The following KNTC1 variants were observed in gnomAD, a reference collection of about 807,000 sequenced individuals.
KNTC1 encodes kinetochore associated 1, also known as kinetochore-associated protein 1.
KNTC1 carries 253 observed loss-of-function variants against 314.4 expected under a neutral mutation model. The ratio of observed to expected loss-of-function variants is 0.80; its 90% CI spans 0.73 to 0.89. The LOEUF (loss-of-function observed/expected upper bound fraction) is 0.89, where lower values mean the gene tolerates loss of function less well. Ranked by LOEUF, KNTC1 falls within the 40% of genes least tolerant of loss-of-function variation. The probability of loss-of-function intolerance (pLI) is 0.00; values close to 1 mark genes in which losing one functional copy is unlikely to be tolerated. For missense variants in KNTC1, 2,475 were observed against 2,572.9 expected (o/e 0.96, Z 0.82); for synonymous variants, 901 against 901.4 (o/e 1.00, Z 0.01).
At position 122,587,729 on chromosome 12, in the gene KNTC1, C is replaced by T; in HGVS notation, c.3749C>T (p.Pro1250Leu). 6.2e-7 allele frequency: 1 copy of T among 1,612,724 alleles called. No homozygotes were observed. Among genetic ancestry groups the T allele is most frequent in the Non-Finnish European group, 8.5e-7 (1 of 1,179,226 alleles). ...SLNEGDGLVL[P>L]VINSISALLQ... ...TCTGCAGGAGATGGCCTTGTTTTAC[C>T]TGTTATAAATTCCATCTCTGCCCTG... The change falls in exon 39 of 64, where the codon CCT becomes CTT. Residue 1250 changes from proline (P) to leucine (L), a missense_variant. Transcript: ENST00000333479.
chr12:122,530,059 G>A lies in KNTC1; in HGVS notation c.-5G>A. 6 of 1,613,060 alleles carry A rather than the reference G, an allele frequency of 3.7e-6. No homozygotes were observed. The highest frequency in any genetic ancestry group is 5.1e-6 in the Non-Finnish European group (6 of 1,179,474). On this transcript the variant is annotated 5_prime_UTR_variant, in exon 2 of 64. Transcript: ENST00000333479. ...TTCCTGACTCAGGAAGACAGTCTCAGAAACATGTGGAATGATATTGAGCTG... is the reference window on the plus strand; with the variant it reads ...TTCCTGACTCAGGAAGACAGTCTCAAAAACATGTGGAATGATATTGAGCTG...
chr12:122,549,855 AATTAGCACAGTAAGTTTATTTG>A lies in KNTC1; in HGVS notation c.1078_1086+13del. 6.5e-7 allele frequency: 1 copy of A among 1,527,436 alleles called. No individual in the cohort carries two copies. The highest frequency in any genetic ancestry group is 9.0e-7 in the Non-Finnish European group (1 of 1,112,848). 94.6% of individuals were successfully genotyped at this position (1,527,436 alleles called of 1,614,324 possible). ...GTGTTTCTTCTCTGGTCCAAACAGG[AATTAGCACAGTAAGTTTATTTG>A]CATTTTAAAGTATTCTTTTAACTAC... On this transcript the variant is annotated splice_donor_variant and splice_donor_5th_base_variant and coding_sequence_variant and intron_variant, in exon 13 of 64. Coordinates refer to ENST00000333479, the MANE Select transcript of KNTC1 (RefSeq NM_014708.6). LOFTEE classifies it high-confidence loss of function.
chr12:122,625,471 G>A (rs140352220), intron 63 of KNTC1, among the ~76,000 whole-genome samples: 1 of 151,914 alleles, frequency 6.6e-6, no homozygotes, highest in East Asian at 1.9e-4. Flanking sequence ...GGAAGCTGAG[G>A]CAGGAGAATT....
At chr12:122,538,489 A>AG in intron 4 of KNTC1, 35 bp downstream of exon 4, 10 of 1,158,240 alleles carry the variant, frequency 8.6e-6, no homozygotes, top group Non-Finnish European at 1.2e-5. Context: ...TTCATTATTT[A>AG]AATTCTAAAT....
In KNTC1 at chr12:122,602,866, C is replaced by T. The variant is rs765415910; in HGVS notation, c.4863C>T (p.Leu1621=). Residue 1621 remains leucine (L), a synonymous_variant, in exon 47 of 64, where the codon CTC becomes CTT. Transcript: ENST00000333479. ...ELSEESFPTL[L]LISKLMKFSL... is the part of the protein sequence containing the mutation. ...GTGAAGAATCTTTCCCAACATTGCT[C>T]TTAATTTCGAAATTAATGAAGGTAA... The T allele has an allele frequency of 1.3e-5, 21 of 1,610,780 alleles. No individual in the cohort carries two copies. Among genetic ancestry groups the T allele is most frequent in the Non-Finnish European group, 1.7e-5 (20 of 1,177,240 alleles).
intron 60 of KNTC1, among the ~76,000 whole-genome samples, chr12:122,620,873 G>T (rs1874356094): frequency 6.6e-6 from 1 of 152,218 alleles, no homozygotes. Flanking sequence ...AAACTGAAAT[G>T]ATGAAGGAAT....
chr12:122,575,510 G>A, intron 27 of KNTC1, 33 bp from the exon 28 acceptor site: 2 of 1,449,374 alleles, frequency 1.4e-6, no homozygotes, highest in Non-Finnish European at 1.9e-6. Flanking sequence ...AAACCTGAGG[G>A]CTGTTCCTTG....
chr12:122,542,015 A>G (rs763723434), intron 5 of KNTC1, 35 bp from the exon 6 acceptor site: 144 of 1,489,298 alleles, frequency 9.7e-5, no homozygotes, highest in Non-Finnish European at 1.2e-4. Context: ...CTCCATCTCA[A>G]AAAAAAGAAA....
At chr12:122,621,998 C>G (rs199647620) in intron 61 of KNTC1, 28 bp downstream of exon 61, 3 of 1,486,610 alleles carry the variant, frequency 2.0e-6, no homozygotes, top group Admixed American at 3.7e-5. Flanking sequence ...CTCCTTTTTG[C>G]TATGAAAATG....
chr12:122,546,371 C>A (rs1342322997), intron 9 of KNTC1, 102 bp downstream of exon 9: 2 of 737,922 alleles, frequency 2.7e-6, no homozygotes, highest in Non-Finnish European at 4.6e-6. Context: ...CCCTACCACT[C>A]TTTGAAACAA....
rs752809151 is a variant in KNTC1 at position 122,588,786 on chromosome 12, C to G, written c.3969C>G (p.Ile1323Met). The change falls in exon 40 of 64, where the codon ATC (isoleucine) becomes ATG (methionine). Residue 1323 changes from isoleucine (I) to methionine (M), a missense_variant. Coordinates refer to ENST00000333479, the MANE Select transcript of KNTC1 (RefSeq NM_014708.6). ...MELKEKAVIF[I>M]RENATTLLHK... The stretch of plus-strand genomic sequence containing the variant: ...TGAAAGAAAAAGCTGTTATATTTAT[C>G]AGGGAAAATGCTACAACACTACTGC... The G allele has an allele frequency of 2.2e-5, 34 of 1,563,134 alleles. No homozygotes were observed. The highest frequency in any genetic ancestry group is 2.9e-5 in the Non-Finnish European group (33 of 1,153,942).
At chr12:122,562,442 TG>T (rs1565958206) in intron 19 of KNTC1, among the ~76,000 whole-genome samples, 195 bp from the exon 20 acceptor site, 1,133 of 11,554 alleles carry the variant, frequency 0.098, 18 homozygotes, top group African/African-American at 0.12. Flanking sequence ...CCATGTTTTG[TG>T]TGTGTGTGTG....
At chr12:122,592,818 A>C (rs1181968765) in intron 42 of KNTC1, 1 of 152,344 alleles carries the variant, frequency 6.6e-6, no homozygotes, top group Non-Finnish European at 1.5e-5. Context: ...CAGCACTGGC[A>C]ACCCGCTCGG....
chr12:122,602,821 C>G lies in KNTC1; in HGVS notation c.4826-8C>G. The stretch of plus-strand genomic sequence containing the variant: ...AAGCAAATCGTACTTTCCTTGTTTC[C>G]TTTCTAGCTACAGAACTCAGTGAAG... On this transcript the variant is annotated splice_region_variant and splice_polypyrimidine_tract_variant and intron_variant, in intron 46 of 63. Transcript: ENST00000333479. 1.9e-6 allele frequency: 3 copies of G among 1,612,638 alleles called. No individual in the cohort carries two copies. The highest frequency in any genetic ancestry group is 2.5e-6 in the Non-Finnish European group (3 of 1,179,208).
At chr12:122,540,080 A>G (rs1355730815) in intron 5 of KNTC1, among the ~76,000 whole-genome samples, 1 of 151,922 alleles carries the variant, frequency 6.6e-6, no homozygotes, top group Non-Finnish European at 1.5e-5. Context: ...CACTGCGCCC[A>G]GCCTGAATGA....
chr12:122,539,851 A>T, intron 5 of KNTC1, 97 bp downstream of exon 5: 1 of 713,580 alleles, frequency 1.4e-6, no homozygotes, highest in South Asian at 2.0e-5. Flanking sequence ...GCGCAATCTC[A>T]GGTCACTGGA....
chr12:122,600,846 G>T (rs1055511316), intron 44 of KNTC1, among the ~76,000 whole-genome samples: 1 of 150,982 alleles, frequency 6.6e-6, no homozygotes, highest in Non-Finnish European at 1.5e-5. Flanking sequence ...TTGTATTTTT[G>T]GTAGAGATGG....
intron 53 of KNTC1, among the ~76,000 whole-genome samples, chr12:122,612,199 G>A (rs1873212646): frequency 6.6e-6 from 1 of 151,420 alleles, no homozygotes; most frequent in Non-Finnish European, 1.5e-5. Context: ...CCGAGTAGCT[G>A]GGATTACAGG....
chr12:122,561,811 T>TTTAAATAATAA, intron 18 of KNTC1, 110 bp from the exon 19 acceptor site: 1 of 808,616 alleles, frequency 1.2e-6, no homozygotes. Context: ...CATTTCACAC[T>TTTAAATAATAA]TAAATGCAAT....
Sources: gnomAD v4.1 joint callset for allele counts (sites outside exome capture counted in the v4.1 genomes callset) on GRCh38, gnomAD v4.1.1 for gene constraint, MANE v1.5 for transcripts, NCBI Gene and HGNC (gene_info 2026-07-23, HGNC 2026-07-21) for gene names.